Variants in STOM observed in about 807,000 individuals in gnomAD.
The protein encoded by STOM is stomatin, also known as erythrocyte band 7 integral membrane protein.
In STOM, 25 loss-of-function variants were observed where a neutral mutation model predicts 30.6. The observed-to-expected ratio is 0.82, with a 90% confidence interval of 0.60 to 1.14. The LOEUF is 1.14. Among genes scored for constraint, STOM ranks in the 50% most tolerant of loss-of-function variants. STOM has a pLI of 0.00. For synonymous variants in STOM, 118 were observed against 130.8 expected (o/e 0.90, Z 0.67); for missense variants, 292 against 365.2 (o/e 0.80, Z 1.63).
chr9:121,339,875 C>G lies in STOM; in HGVS notation c.*1327G>C. On this transcript the variant is annotated 3_prime_UTR_variant, in exon 7 of 7. Transcript: ENST00000286713. ...TATTGTAAGTTTGACAGTATCTGCC[C>G]AAGATCATTAGACACTATATAGTCA... is the stretch of plus-strand genomic sequence containing the variant. 1.7e-6 allele frequency: 2 copies of G among 1,146,962 alleles called. No homozygotes were observed. The highest frequency in any genetic ancestry group is 2.1e-6 in the Non-Finnish European group (2 of 935,024). The allele number at this position is 1,146,962 out of a possible 1,614,324, so 71.0% of individuals were successfully genotyped here. A position where few individuals can be genotyped will look rare whatever the true frequency, so the allele number is the denominator to read the frequency against.
At position 121,340,081 on chromosome 9, in the gene STOM, T is replaced by C. The variant is rs562063791; in HGVS notation, c.*1121A>G. Reference sequence around the variant, plus strand: ...ATATATAACAATTGCATATAGAACGTAGAGAAAATTTTATTAAAAAATTAA... The same window carrying C: ...ATATATAACAATTGCATATAGAACGCAGAGAAAATTTTATTAAAAAATTAA... On this transcript the variant is annotated 3_prime_UTR_variant, in exon 7 of 7. Coordinates refer to ENST00000286713, the MANE Select transcript of STOM (RefSeq NM_004099.6). The C allele has an allele frequency of 1.0e-6, 1 of 975,256 alleles. No homozygotes were observed. The allele number at this position is 975,256 out of a possible 1,614,324, so 60.4% of individuals were successfully genotyped here. A position where few individuals can be genotyped will look rare whatever the true frequency, so the allele number is the denominator to read the frequency against.
At chr9:121,353,692 T>A (rs1239249555) in intron 3 of STOM, among the ~76,000 whole-genome samples, 1 of 152,144 alleles carries the variant, frequency 6.6e-6, no homozygotes, top group African/African-American at 2.4e-5. Flanking sequence ...TAACCCGCCT[T>A]TGTTCCCCTC....
At chr9:121,349,084 G>T (rs774779547) in intron 5 of STOM, 36 bp downstream of exon 5, 2 of 1,602,702 alleles carry the variant, frequency 1.2e-6, no homozygotes, top group African/African-American at 1.3e-5. Context: ...TCATTTTTCA[G>T]CTTCTGGGGG....
At chr9:121,350,530 G>T (rs1348820609) in intron 4 of STOM, among the ~76,000 whole-genome samples, 1 of 152,208 alleles carries the variant, frequency 6.6e-6, no homozygotes, top group Non-Finnish European at 1.5e-5. Context: ...CTGAAATGTG[G>T]TCCTGAGAAC....
In STOM at chr9:121,351,856, T is replaced by C. The variant is rs974103280; in HGVS notation, c.321+1364A>G. 3.3e-5 allele frequency among the ~76,000 whole-genome samples: 5 copies of C among 152,234 alleles called. No homozygotes were observed. In the East Asian group the frequency reaches 9.6e-4, roughly 29 times the overall value. On this transcript the variant is annotated intron_variant, in intron 4 of 6. Coordinates refer to ENST00000286713, the MANE Select transcript of STOM (RefSeq NM_004099.6). ...AAAAGGCACAAAATAATCACTAGTA[T>C]AAAATATTATGTTTTATCTAAAATG...
rs1156946461 is a variant in STOM, at chr9:121,347,950, T to C, written c.660+65A>G. ...GTTTTTACAGCAAGCATGTTTTACG[T>C]TTTTTTATAATTATTAATAAAAGAG... On this transcript the variant is annotated intron_variant, in intron 6 of 6. Coordinates refer to ENST00000286713, the MANE Select transcript of STOM (RefSeq NM_004099.6). 5 of 1,517,484 alleles carry C rather than the reference T, an allele frequency of 3.3e-6. No individual in the cohort carries two copies. In the Admixed American group the frequency reaches 1.1e-4, roughly 33 times the overall value. The allele number at this position is 1,517,484 out of a possible 1,614,324, so 94.0% of individuals were successfully genotyped here.
intron 2 of STOM, 26 bp downstream of exon 2, chr9:121,356,027 C>T (rs1457854691): frequency 1.9e-6 from 3 of 1,603,526 alleles, no homozygotes; most frequent in Non-Finnish European, 1.7e-6. Context: ...TGACCCCTTC[C>T]CAGAAGTGAA....
chr9:121,369,203 A>G (rs534572482), intron 1 of STOM, among the ~76,000 whole-genome samples: 1 of 152,364 alleles, frequency 6.6e-6, no homozygotes, highest in East Asian at 1.9e-4. Context: ...ACAAATAATC[A>G]GAATAGATGA....
intron 1 of STOM, among the ~76,000 whole-genome samples, chr9:121,367,615 TAC>T (rs1237538360): frequency 6.6e-6 from 1 of 152,266 alleles, no homozygotes; most frequent in Non-Finnish European, 1.5e-5. Context: ...ATTATTTCAT[TAC>T]AAAGTGAATG....
chr9:121,355,987 C>A, intron 2 of STOM, 66 bp downstream of exon 2: 1 of 1,197,498 alleles, frequency 8.4e-7, no homozygotes, highest in Non-Finnish European at 1.2e-6. Context: ...CACACAGGCA[C>A]ACACGAAGTA....
intron 1 of STOM, among the ~76,000 whole-genome samples, chr9:121,366,521 A>G (rs2064505104): frequency 6.6e-6 from 1 of 152,150 alleles, no homozygotes; most frequent in Admixed American, 6.5e-5. Context: ...AAACCCAGAC[A>G]AATAGTCTAT....
At chr9:121,367,698 T>C (rs1469042757) in intron 1 of STOM, among the ~76,000 whole-genome samples, 2 of 152,264 alleles carry the variant, frequency 1.3e-5, no homozygotes, top group Non-Finnish European at 2.9e-5. Context: ...TAATTCTCAG[T>C]AAAGACAAAG....
chr9:121,341,401 G>A lies in STOM; in HGVS notation c.668C>T (p.Ala223Val). The A allele has an allele frequency of 1.6e-5, 26 of 1,612,934 alleles. No individual in the cohort carries two copies. Among genetic ancestry groups the A allele is most frequent in the East Asian group, 2.2e-5 (1 of 44,882 alleles). ...ASREARAKVI[A>V]AEGEMNASRA... is the part of the protein sequence containing the mutation. ...GGATGCATTCATTTCTCCTTCGGCT[G>A]CAATAACCTATGGACAGGTGAAAGG... Residue 223 changes from alanine (A) to valine (V), a missense_variant, in exon 7 of 7, where the codon GCA becomes GTA. Transcript: ENST00000286713.
intron 1 of STOM, among the ~76,000 whole-genome samples, chr9:121,356,687 G>A (rs950208578): frequency 2.0e-5 from 3 of 152,054 alleles, no homozygotes; most frequent in African/African-American, 2.4e-5. Flanking sequence ...AAATATCGAC[G>A]AAAAGAAAGT....
chr9:121,370,087 G>T (rs1230321340), intron 1 of STOM, 40 bp downstream of exon 1: 2 of 1,504,560 alleles, frequency 1.3e-6, no homozygotes, highest in Admixed American at 2.0e-5. Flanking sequence ...GCGGGCGGGG[G>T]CTCGGTCCAC....
chr9:121,356,533 AC>A (rs1478922084), intron 1 of STOM, among the ~76,000 whole-genome samples: 2 of 152,224 alleles, frequency 1.3e-5, no homozygotes, highest in Non-Finnish European at 2.9e-5. Flanking sequence ...GGTGGTAAGT[AC>A]AGATATAGAG....
rs780199181 is a variant in STOM, at chr9:121,370,116, G to T, written c.61+11C>A. On this transcript the variant is annotated intron_variant, in intron 1 of 6. Transcript: ENST00000286713. ...GGTCCACGGGGGAGGGTCAGGGGAC[G>T]CGGGACTCACCCTTGAAGGAGTCGG... 5 of 1,538,774 alleles carry T rather than the reference G, an allele frequency of 3.2e-6. No homozygotes were observed. The African/African-American group carries it at 4.1e-5, about 13-fold the overall frequency.
rs558635299 is a variant in STOM, at chr9:121,345,218, C to T, written c.660+2797G>A. ...TGGAGCTGCTGGCTCATAGGGTATA[C>T]AAATGTTCAGTATGAATAGACATTG... On this transcript the variant is annotated intron_variant, in intron 6 of 6. Transcript: ENST00000286713. Among the ~76,000 whole-genome samples the T allele has an allele frequency of 2.6e-5, 4 of 152,244 alleles. No homozygotes were observed. In the South Asian group the frequency reaches 6.2e-4, roughly 24 times the overall value.
At chr9:121,366,534 G>A (rs1400190034) in intron 1 of STOM, among the ~76,000 whole-genome samples, 1 of 152,024 alleles carries the variant, frequency 6.6e-6, no homozygotes, top group Non-Finnish European at 1.5e-5. Flanking sequence ...TAGTCTATCT[G>A]TAATAATATA....
Sources: gnomAD v4.1 joint callset for allele counts (sites outside exome capture counted in the v4.1 genomes callset) on GRCh38, gnomAD v4.1.1 for gene constraint, MANE v1.5 for transcripts, NCBI Gene and HGNC (gene_info 2026-07-23, HGNC 2026-07-21) for gene names.